The following LUZP2 variants were observed in gnomAD, a reference collection of about 807,000 sequenced individuals.
LUZP2 encodes leucine zipper protein 2.
LUZP2 carries 52 observed loss-of-function variants against 51.6 expected under a neutral mutation model. That is an observed-to-expected ratio of 1.01 (90% CI 0.81 to 1.27). LUZP2 has a LOEUF of 1.27. Among genes scored for constraint, LUZP2 ranks in the 50% most tolerant of loss-of-function variants. LUZP2 has a pLI of 0.00. For synonymous variants in LUZP2, 154 were observed against 137.3 expected (o/e 1.12, Z -0.85); for missense variants, 436 against 395.4 (o/e 1.10, Z -0.87).
At chr11:24,861,634 G>C (rs1460197601) in intron 5 of LUZP2, among the ~76,000 whole-genome samples, 2 of 152,268 alleles carry the variant, frequency 1.3e-5, no homozygotes, top group Non-Finnish European at 1.5e-5. Context: ...AGAGCAGCTA[G>C]GGGACTGCCC....
chr11:24,690,754 C>G (rs1210862720), intron 1 of LUZP2, among the ~76,000 whole-genome samples: 1 of 152,004 alleles, frequency 6.6e-6, no homozygotes, highest in Non-Finnish European at 1.5e-5. Context: ...CCAACTCTAC[C>G]AGCTTCTGGG....
chr11:24,562,069 ACGTTAGG>A (rs1386247813), intron 1 of LUZP2, among the ~76,000 whole-genome samples: 1 of 152,072 alleles, frequency 6.6e-6, no homozygotes, highest in Non-Finnish European at 1.5e-5. Context: ...ATGTGAGGGA[ACGTTAGG>A]CGATGAGGAT....
intron 1 of LUZP2, among the ~76,000 whole-genome samples, chr11:24,602,363 A>ATT (rs1554962046): frequency 0.033 from 2,340 of 71,260 alleles, 88 homozygotes; most frequent in African/African-American, 0.11. Flanking sequence ...TCTCTTTTAA[A>ATT]GTGTGTGTGT....
chr11:24,854,194 T>G (rs1851482273), intron 5 of LUZP2, among the ~76,000 whole-genome samples: 1 of 152,196 alleles, frequency 6.6e-6, no homozygotes, highest in Non-Finnish European at 1.5e-5. Context: ...GGCAGGAATA[T>G]TTAAGTCTGT....
chr11:24,910,487 T>C (rs1853592123), intron 6 of LUZP2, among the ~76,000 whole-genome samples: 2 of 152,182 alleles, frequency 1.3e-5, no homozygotes, highest in African/African-American at 2.4e-5. Context: ...CATGATGCCC[T>C]GCATCCCGTC....
chr11:24,760,003 A>G lies in LUZP2; in HGVS notation c.334-3243A>G, dbSNP rs561448076. ...ATCAGTGAATACATGTAAGATGTAC[A>G]TTGGTTTGGTCCAGAAAGGCAGGAC... On this transcript the variant is annotated intron_variant, in intron 4 of 11. Coordinates refer to ENST00000336930, the MANE Select transcript of LUZP2 (RefSeq NM_001009909.4). 6.7e-4 allele frequency among the ~76,000 whole-genome samples: 102 copies of G among 152,264 alleles called. 1 individual carries two copies. Among genetic ancestry groups the G allele is most frequent in the Non-Finnish European group, 9.6e-4 (65 of 68,020 alleles).
At chr11:24,739,110 A>G (rs1337779439) in intron 4 of LUZP2, among the ~76,000 whole-genome samples, 1 of 152,090 alleles carries the variant, frequency 6.6e-6, no homozygotes, top group Non-Finnish European at 1.5e-5. Context: ...TGCACACCAC[A>G]GAGGGGCCAC....
chr11:24,717,500 C>T (rs1858096722), intron 1 of LUZP2, among the ~76,000 whole-genome samples: 1 of 151,500 alleles, frequency 6.6e-6, no homozygotes, highest in Admixed American at 6.6e-5. Flanking sequence ...CTCCGACCCC[C>T]GAGTTCACGC....
At chr11:24,598,403 G>A (rs1853516566) in intron 1 of LUZP2, among the ~76,000 whole-genome samples, 1 of 152,048 alleles carries the variant, frequency 6.6e-6, no homozygotes, top group East Asian at 1.9e-4. Flanking sequence ...CCTAAATGTA[G>A]GAGAGTTTCC....
At chr11:24,997,691 GC>G (rs1307528304) in intron 9 of LUZP2, among the ~76,000 whole-genome samples, 2 of 151,954 alleles carry the variant, frequency 1.3e-5, no homozygotes, top group Non-Finnish European at 2.9e-5. Context: ...TGAAGTCCTT[GC>G]CCATGCCTAT....
chr11:24,958,846 G>A (rs1855295479), intron 7 of LUZP2, among the ~76,000 whole-genome samples: 1 of 152,094 alleles, frequency 6.6e-6, no homozygotes. Flanking sequence ...TGTCCTGAAT[G>A]GTAATGACTT....
intron 11 of LUZP2, among the ~76,000 whole-genome samples, chr11:25,077,811 A>G (rs1859357757): frequency 6.6e-6 from 1 of 152,002 alleles, no homozygotes; most frequent in Non-Finnish European, 1.5e-5. Context: ...CATGGTATTT[A>G]ACACTCTTCT....
intron 1 of LUZP2, among the ~76,000 whole-genome samples, chr11:24,577,477 G>T (rs116425152): frequency 0.025 from 3,820 of 152,120 alleles, 153 homozygotes; most frequent in African/African-American, 0.086. Flanking sequence ...TGTATTTCAT[G>T]ATTAGTTGTA....
At chr11:24,949,926 G>A (rs1855028688) in intron 7 of LUZP2, among the ~76,000 whole-genome samples, 1 of 148,844 alleles carries the variant, frequency 6.7e-6, no homozygotes, top group South Asian at 2.1e-4. Context: ...ACTCTTCTTT[G>A]TAACTCAAAT....
chr11:24,582,101 G>C (rs1469335906), intron 1 of LUZP2, among the ~76,000 whole-genome samples: 3 of 152,046 alleles, frequency 2.0e-5, no homozygotes, highest in African/African-American at 7.2e-5. Flanking sequence ...TTAGTGAAAT[G>C]GTTCATAAAG....
chr11:24,966,236 T>C (rs1259959309), intron 7 of LUZP2, among the ~76,000 whole-genome samples: 3 of 151,778 alleles, frequency 2.0e-5, no homozygotes, highest in Non-Finnish European at 3.0e-5. Context: ...ATTTATTTAC[T>C]ACCTAAGTCT....
intron 1 of LUZP2, among the ~76,000 whole-genome samples, chr11:24,657,684 G>A (rs1020165926): frequency 2.6e-5 from 4 of 152,132 alleles, no homozygotes; most frequent in African/African-American, 4.8e-5. Flanking sequence ...AAACCCCATC[G>A]TCTCAGCCCA....
intron 7 of LUZP2, among the ~76,000 whole-genome samples, chr11:24,972,479 T>C (rs1044503573): frequency 6.6e-6 from 1 of 152,198 alleles, no homozygotes; most frequent in South Asian, 2.1e-4. Flanking sequence ...TAAAAATTAA[T>C]AAGGGGTAAA....
intron 2 of LUZP2, among the ~76,000 whole-genome samples, chr11:24,731,471 A>G (rs1012663838): frequency 5.9e-5 from 9 of 151,756 alleles, no homozygotes; most frequent in African/African-American, 9.7e-5. Flanking sequence ...TCTTGCAAGA[A>G]AAAGCTCAGG....
Sources: gnomAD v4.1 joint callset for allele counts (sites outside exome capture counted in the v4.1 genomes callset) on GRCh38, gnomAD v4.1.1 for gene constraint, MANE v1.5 for transcripts, NCBI Gene and HGNC (gene_info 2026-07-23, HGNC 2026-07-21) for gene names.